HERC2: variants seen among roughly 807,000 people sequenced by gnomAD.
The protein encoded by HERC2 is E3 ubiquitin-protein ligase HERC2.
A neutral mutation model predicts 537.7 loss-of-function variants in HERC2; 102 were observed. The ratio of observed to expected loss-of-function variants is 0.19; its 90% CI spans 0.16 to 0.22. HERC2 has a LOEUF of 0.22. Ranked by LOEUF, HERC2 falls within the 10% of genes least tolerant of loss-of-function variation. The pLI, the probability that HERC2 is intolerant of heterozygous loss-of-function variation, is 1.00. For synonymous variants in HERC2, 2,224 were observed against 2,466.2 expected (o/e 0.90, Z 2.91); for missense variants, 4,236 against 6,198.2 (o/e 0.68, Z 10.63).
At chr15:28,271,154 C>T (rs1240557461) in intron 9 of HERC2, among the ~76,000 whole-genome samples, 1 of 152,200 alleles carries the variant, frequency 6.6e-6, no homozygotes, top group African/African-American at 2.4e-5. Flanking sequence ...CATGACCAAA[C>T]CACCCTACAG....
At chr15:28,287,719 C>CTT (rs766216433) in intron 4 of HERC2, among the ~76,000 whole-genome samples, 30 of 124,786 alleles carry the variant, frequency 2.4e-4, no homozygotes, top group African/African-American at 8.2e-4. Flanking sequence ...ACTTATTCCT[C>CTT]TTTTTTTTTT....
chr15:28,161,163 T>C (rs1319955654), intron 69 of HERC2, among the ~76,000 whole-genome samples: 2 of 152,232 alleles, frequency 1.3e-5, no homozygotes, highest in Non-Finnish European at 2.9e-5. Flanking sequence ...TTTATCGTTT[T>C]GGTGATCATG....
intron 69 of HERC2, among the ~76,000 whole-genome samples, chr15:28,155,139 C>T (rs897187852): frequency 3.9e-5 from 6 of 152,020 alleles, no homozygotes; most frequent in African/African-American, 1.5e-4. Context: ...TGTATATATG[C>T]CACATTTTCT....
At chr15:28,126,170 A>G (rs1889460916) in intron 83 of HERC2, among the ~76,000 whole-genome samples, 1 of 152,254 alleles carries the variant, frequency 6.6e-6, no homozygotes, top group Non-Finnish European at 1.5e-5. Flanking sequence ...GATGTGGTGA[A>G]AAGGGAACAC....
At chr15:28,303,285 G>A (rs1001070647) in intron 2 of HERC2, among the ~76,000 whole-genome samples, 8 of 152,088 alleles carry the variant, frequency 5.3e-5, no homozygotes, top group Non-Finnish European at 8.8e-5. Flanking sequence ...CGTATCCTCC[G>A]GGCACCTCTG....
In HERC2 at chr15:28,128,906, C is replaced by T. The variant is rs139445742; in HGVS notation, c.12802+1257G>A. On this transcript the variant is annotated intron_variant, in intron 83 of 92. Coordinates refer to ENST00000261609, the MANE Select transcript of HERC2 (RefSeq NM_004667.6). ...GGCCACCCCATTCCCCAGCCCTGTTCCTCCACGAAAGCCAGCAACAGAGGG... is the reference window on the plus strand; with the variant it reads ...GGCCACCCCATTCCCCAGCCCTGTTTCTCCACGAAAGCCAGCAACAGAGGG... Among the ~76,000 whole-genome samples, 725 of 152,266 alleles carry T rather than the reference C, an allele frequency of 4.8e-3. 6 individuals are homozygous for T. The highest frequency in any genetic ancestry group is 0.016 in the African/African-American group (682 of 41,550).
chr15:28,115,458 T>C lies in HERC2; in HGVS notation c.13693A>G (p.Met4565Val), dbSNP rs1487623007. 2 of 1,613,978 alleles carry C rather than the reference T, an allele frequency of 1.2e-6. No homozygotes were observed. The highest frequency in any genetic ancestry group is 2.2e-5 in the South Asian group (2 of 91,062). ...AEPVWKQLAG[M>V]SLTIADLSEV... ...CTGAGGTCCGCGATGGTGAGGCTCA[T>C]CCCAGCCAGCTGCTTCCAGACAGGC... is the stretch of plus-strand genomic sequence containing the variant. Residue 4565 changes from methionine (M) to valine (V), a missense_variant, in exon 89 of 93, where the codon ATG becomes GTG. Coordinates refer to ENST00000261609, the MANE Select transcript of HERC2 (RefSeq NM_004667.6).
rs146412689 is a variant in HERC2, at chr15:28,313,737, C to G, written c.72+7625G>C. 4.5e-4 allele frequency among the ~76,000 whole-genome samples: 68 copies of G among 151,942 alleles called. 1 individual carries two copies. Among genetic ancestry groups the G allele is most frequent in the African/African-American group, 1.5e-3 (61 of 41,360 alleles). On this transcript the variant is annotated intron_variant, in intron 2 of 92. Transcript: ENST00000261609. ...AAATGTTAAGAACAGGTTCCTAGAA[C>G]AATTAGAAAGGTCAGACAGGAACAT...
chr15:28,160,380 C>A (rs1893463775), intron 69 of HERC2, among the ~76,000 whole-genome samples: 1 of 152,336 alleles, frequency 6.6e-6, no homozygotes, highest in South Asian at 2.1e-4. Context: ...GTGGGCTCCA[C>A]CCAGTTTCAG....
At chr15:28,271,675 A>C (rs2075732858) in intron 9 of HERC2, among the ~76,000 whole-genome samples, 1 of 152,164 alleles carries the variant, frequency 6.6e-6, no homozygotes, top group South Asian at 2.1e-4. Flanking sequence ...TCTAAGGAAA[A>C]AAAAAAGACT....
At position 28,124,090 on chromosome 15, in the gene HERC2, C is replaced by G. The variant is rs777881619; in HGVS notation, c.13135G>C (p.Gly4379Arg). The G allele has an allele frequency of 1.4e-5, 23 of 1,607,866 alleles. 1 individual carries two copies. In the South Asian group the frequency reaches 2.6e-4, roughly 18 times the overall value. Residue 4379 changes from glycine to arginine, a missense_variant, in exon 85 of 93, where the codon GGG becomes CGG. Physicochemically the swap from Gly to Arg is moderately radical, Grantham distance 125. Transcript: ENST00000261609. ...AGAGTGTCGAACCCAACAGAAGGCC[C>G]GAGTCCAGTTTCGTCGAGCGAGCCT... is the stretch of plus-strand genomic sequence containing the variant. The part of the protein sequence containing the change: ...LEGSLDETGL[G>R]PSVGFDTLRG...
At chr15:28,287,740 G>GTTTTTTTTTTTTTTTTTTTT (rs1461307820) in intron 4 of HERC2, among the ~76,000 whole-genome samples, 1 of 141,050 alleles carries the variant, frequency 7.1e-6, no homozygotes, top group Non-Finnish European at 1.5e-5. Context: ...TTTTTTTTTG[G>GTTTTTTTTTTTTTTTTTTTT]TTTGAGATGG....
chr15:28,225,404 A>G (rs1037158116), intron 35 of HERC2, among the ~76,000 whole-genome samples: 2 of 152,104 alleles, frequency 1.3e-5, no homozygotes, highest in Non-Finnish European at 2.9e-5. Context: ...TTGGTAAATT[A>G]AGAAAAAAAG....
Position 28,262,914 on chromosome 15 carries a change from T to G in HERC2, c.2122+4A>C. ...GGGTTTTAAAAGTTTACATTTGCACTCACCTTGCAAGCCTTCTAAGAGTTT... is the reference window on the plus strand; with the variant it reads ...GGGTTTTAAAAGTTTACATTTGCACGCACCTTGCAAGCCTTCTAAGAGTTT... On this transcript the variant is annotated splice_donor_region_variant and intron_variant, in intron 15 of 92. Coordinates refer to ENST00000261609, the MANE Select transcript of HERC2 (RefSeq NM_004667.6). 1.2e-6 allele frequency: 2 copies of G among 1,612,722 alleles called. No individual in the cohort carries two copies.
At chr15:28,252,439 G>A (rs917759865) in intron 20 of HERC2, among the ~76,000 whole-genome samples, 25 of 152,284 alleles carry the variant, frequency 1.6e-4, no homozygotes, top group African/African-American at 6.0e-4. Context: ...GGGCATTCAA[G>A]AACTTAGAAA....
rs1297999290 is a variant in HERC2, at chr15:28,201,558, C to T, written c.7618-4G>A. ...CCGTCACAACAGCACCAGTAGACTGCAAGAAATAAATACATTCAAACAAAA... is the reference window on the plus strand; with the variant it reads ...CCGTCACAACAGCACCAGTAGACTGTAAGAAATAAATACATTCAAACAAAA... On this transcript the variant is annotated splice_polypyrimidine_tract_variant and splice_region_variant and intron_variant, in intron 47 of 92. Coordinates refer to ENST00000261609, the MANE Select transcript of HERC2 (RefSeq NM_004667.6). 1 of 1,600,214 alleles carries T rather than the reference C, an allele frequency of 6.2e-7. No homozygotes were observed. The highest frequency in any genetic ancestry group is 8.6e-7 in the Non-Finnish European group (1 of 1,167,872).
At chr15:28,193,148 G>T (rs1897009257) in intron 52 of HERC2, among the ~76,000 whole-genome samples, 1 of 152,034 alleles carries the variant, frequency 6.6e-6, no homozygotes, top group Non-Finnish European at 1.5e-5. Flanking sequence ...ACATGAAAAG[G>T]CAAGAAAATA....
At chr15:28,259,132 T>C (rs1463840184) in intron 16 of HERC2, among the ~76,000 whole-genome samples, 1 of 152,220 alleles carries the variant, frequency 6.6e-6, no homozygotes, top group Admixed American at 6.5e-5. Context: ...TTCGCTCTTG[T>C]TGCCCAAGCT....
Position 28,233,743 on chromosome 15 carries a change from C to T in HERC2, c.4272G>A (p.Pro1424=), listed in dbSNP as rs372498859. The change falls in exon 28 of 93, where the codon CCG becomes CCA. Residue 1424 remains proline, a synonymous_variant. Coordinates refer to ENST00000261609, the MANE Select transcript of HERC2 (RefSeq NM_004667.6). ...CGGGATGCTCGGGGGGAAACATGAT[C>T]GGTGTGGTCAAATGGCACTGCCTAC... ...RYCRQCHLTT[P]IMFPPEHPVE... 109 of 1,612,686 alleles carry T rather than the reference C, an allele frequency of 6.8e-5. 1 individual carries two copies. The African/African-American group carries it at 1.1e-3, about 17-fold the overall frequency.
Sources: gnomAD v4.1 joint callset for allele counts (sites outside exome capture counted in the v4.1 genomes callset) on GRCh38, gnomAD v4.1.1 for gene constraint, MANE v1.5 for transcripts, NCBI Gene and HGNC (gene_info 2026-07-23, HGNC 2026-07-21) for gene names.